Variants in RBFOX1 observed in about 807,000 individuals in gnomAD.
RBFOX1 encodes RNA binding fox-1 homolog 1.
Under a neutral mutation model 57.7 loss-of-function variants are expected in RBFOX1, and 8 were observed. The observed-to-expected ratio is 0.14, with a 90% CI of 0.08 to 0.25. RBFOX1 has a LOEUF of 0.25. Ranked by LOEUF, RBFOX1 falls within the 10% of genes least tolerant of loss-of-function variation. The probability of loss-of-function intolerance (pLI) is 1.00; values close to 1 mark genes in which losing one functional copy is unlikely to be tolerated. For missense variants in RBFOX1, 611 were observed against 548.5 expected, an observed-to-expected ratio of 1.11 and a Z score of -1.14; for synonymous variants, 326 against 222.4, an observed-to-expected ratio of 1.47 and a Z score of -4.15.
At chr16:6,650,110 G>A (rs2098571137) in intron 2 of RBFOX1, among the ~76,000 whole-genome samples, 1 of 152,104 alleles carries the variant, frequency 6.6e-6, no homozygotes, top group South Asian at 2.1e-4. Flanking sequence ...GGATCATACA[G>A]TAGATCTGTT....
chr16:6,204,230 G>C (rs2097237840), intron 1 of RBFOX1, among the ~76,000 whole-genome samples: 1 of 151,930 alleles, frequency 6.6e-6, no homozygotes, highest in Admixed American at 6.6e-5. Context: ...AGTTTTACAA[G>C]CTTTAAACTG....
At chr16:6,993,578 G>A (rs557089943) in intron 3 of RBFOX1, among the ~76,000 whole-genome samples, 48 of 152,240 alleles carry the variant, frequency 3.2e-4, no homozygotes, top group African/African-American at 1.0e-3. Context: ...AGGCAAGAGT[G>A]GTGCTGCAAC....
rs80088734 is a variant in RBFOX1, at chr16:6,635,601, G to T, written c.-63-19002G>T. Among the ~76,000 whole-genome samples the T allele has an allele frequency of 4.3e-3, 653 of 152,256 alleles. 6 individuals carry two copies. Among genetic ancestry groups the T allele is most frequent in the African/African-American group, 0.015 (635 of 41,548 alleles). On this transcript the variant is annotated intron_variant, in intron 2 of 15. Transcript: ENST00000550418. ...AGGTTGACAGGGAGCATAGGGTCTGGGAGGAACATACTAGAATATGAGTCT... is the reference window on the plus strand; with the variant it reads ...AGGTTGACAGGGAGCATAGGGTCTGTGAGGAACATACTAGAATATGAGTCT...
intron 2 of RBFOX1, among the ~76,000 whole-genome samples, chr16:5,577,286 C>G (rs962315846): frequency 4.6e-5 from 7 of 152,222 alleles, no homozygotes; most frequent in African/African-American, 1.7e-4. Flanking sequence ...CTGATTGGCT[C>G]TGTAACTAGC....
intron 3 of RBFOX1, among the ~76,000 whole-genome samples, chr16:5,728,072 T>C (rs1195227991): frequency 2.0e-5 from 3 of 152,242 alleles, no homozygotes. Context: ...TTATCTGGCT[T>C]ATTTCACTTG....
At position 7,015,534 on chromosome 16, in the gene RBFOX1, A is replaced by G. The variant is rs369012653; in HGVS notation, c.-15-36523A>G. 9.2e-5 allele frequency among the ~76,000 whole-genome samples: 14 copies of G among 152,336 alleles called. 1 individual carries two copies. The East Asian group carries it at 1.5e-3, about 17-fold the overall frequency. On this transcript the variant is annotated intron_variant, in intron 3 of 15. Transcript: ENST00000550418. ...TTTTCCCTTCCCAAATCAAGCATCA[A>G]TTAATTCTCAGGACTGCTTTGGATA... is the stretch of plus-strand genomic sequence containing the variant.
chr16:6,165,792 C>T (rs2152753944), intron 1 of RBFOX1, among the ~76,000 whole-genome samples: 1 of 152,246 alleles, frequency 6.6e-6, no homozygotes. Context: ...GGGTTATTTA[C>T]AAGAAATCTG....
chr16:6,333,996 TA>T (rs1470614908), intron 2 of RBFOX1, among the ~76,000 whole-genome samples: 1 of 151,428 alleles, frequency 6.6e-6, no homozygotes, highest in Non-Finnish European at 1.5e-5. Context: ...TTGGTGGGGG[TA>T]GGGGGGAGCA....
At chr16:6,392,647 C>A (rs1473628632) in intron 2 of RBFOX1, among the ~76,000 whole-genome samples, 2 of 152,192 alleles carry the variant, frequency 1.3e-5, no homozygotes, top group East Asian at 3.9e-4. Flanking sequence ...GACTAATAGA[C>A]CCCCCTAATG....
At chr16:6,951,086 T>C (rs1210765997) in intron 3 of RBFOX1, among the ~76,000 whole-genome samples, 1 of 152,018 alleles carries the variant, frequency 6.6e-6, no homozygotes, top group African/African-American at 2.4e-5. Context: ...ATCTTATTTT[T>C]TGTAGAGACA....
chr16:5,642,593 C>G (rs933743715), intron 3 of RBFOX1, among the ~76,000 whole-genome samples: 8 of 152,070 alleles, frequency 5.3e-5, no homozygotes, highest in South Asian at 2.1e-4. Context: ...ATTGTGCAAA[C>G]TTGAATGTGC....
chr16:6,363,172 T>C (rs1274803897), intron 2 of RBFOX1, among the ~76,000 whole-genome samples: 1 of 152,238 alleles, frequency 6.6e-6, no homozygotes, highest in Admixed American at 6.5e-5. Context: ...TTTTTATTTA[T>C]ATTGAAAATA....
intron 3 of RBFOX1, among the ~76,000 whole-genome samples, chr16:5,832,000 C>G (rs537301182): frequency 1.3e-5 from 2 of 152,064 alleles, no homozygotes; most frequent in East Asian, 3.9e-4. Context: ...GCACTTTCAT[C>G]CTAGAGGGAA....
At chr16:6,684,342 T>A (rs1009739666) in intron 3 of RBFOX1, among the ~76,000 whole-genome samples, 27 of 152,194 alleles carry the variant, frequency 1.8e-4, no homozygotes, top group African/African-American at 5.8e-4. Flanking sequence ...TATGCTTTTA[T>A]ATAGTTTTTG....
intron 3 of RBFOX1, among the ~76,000 whole-genome samples, chr16:6,731,421 C>G (rs1034962068): frequency 4.6e-5 from 7 of 152,154 alleles, no homozygotes; most frequent in African/African-American, 1.4e-4. Flanking sequence ...TTGTAGCATA[C>G]TGCTACTCTC....
intron 1 of RBFOX1, among the ~76,000 whole-genome samples, chr16:5,332,691 C>T (rs2064787988): frequency 6.6e-6 from 1 of 151,524 alleles, no homozygotes; most frequent in Admixed American, 6.6e-5. Context: ...TCATTTTTCA[C>T]TCCCTTATAT....
intron 1 of RBFOX1, among the ~76,000 whole-genome samples, chr16:5,334,404 G>A (rs938276601): frequency 6.6e-6 from 1 of 152,126 alleles, no homozygotes. Context: ...GTTCAAGATG[G>A]CTATGTTCCT....
intron 4 of RBFOX1, among the ~76,000 whole-genome samples, chr16:7,507,486 C>G (rs1014186024): frequency 1.3e-5 from 2 of 152,048 alleles, no homozygotes; most frequent in East Asian, 1.9e-4. Flanking sequence ...GTGCCCATCC[C>G]TGGATCCCAC....
rs1003399875 is a variant in RBFOX1, at chr16:6,582,673, C to T, written c.-63-71930C>T. Among the ~76,000 whole-genome samples, 3 of 151,558 alleles carry T rather than the reference C, an allele frequency of 2.0e-5. 1 individual carries two copies. The highest frequency in any genetic ancestry group is 4.2e-4 in the South Asian group (2 of 4,782). On this transcript the variant is annotated intron_variant, in intron 2 of 15. Transcript: ENST00000550418. ...GTCTTTTTTTCTCTCCTTTCTTTTT[C>T]CCTCCACCATTTCTCTCTTCTCACT...
Sources: gnomAD v4.1 joint callset for allele counts (sites outside exome capture counted in the v4.1 genomes callset) on GRCh38, gnomAD v4.1.1 for gene constraint, MANE v1.5 for transcripts, NCBI Gene and HGNC (gene_info 2026-07-23, HGNC 2026-07-21) for gene names.